STK3: variants seen among roughly 807,000 people sequenced by gnomAD.
STK3 encodes serine/threonine kinase 3.
A neutral mutation model predicts 58.0 loss-of-function variants in STK3; 41 were observed. The observed-to-expected ratio is 0.71, with a 90% confidence interval of 0.55 to 0.92. The LOEUF (loss-of-function observed/expected upper bound fraction) is 0.92, where lower values mean the gene tolerates loss of function less well. STK3 is among the 40% of genes least tolerant of loss of function. The probability of loss-of-function intolerance (pLI) is 0.00; values close to 1 mark genes in which losing one functional copy is unlikely to be tolerated. For missense variants in STK3, 479 were observed against 602.7 expected (o/e 0.79, Z 2.15); for synonymous variants, 170 against 191.0 (o/e 0.89, Z 0.91).
chr8:98,897,616 A>C (rs187472376), intron 1 of STK3, among the ~76,000 whole-genome samples: 118 of 152,238 alleles, frequency 7.8e-4, no homozygotes, highest in Middle Eastern at 3.4e-3. Flanking sequence ...AACAAACAAA[A>C]AAAAAGTCTT....
intron 4 of STK3, among the ~76,000 whole-genome samples, chr8:98,745,622 A>G (rs1171362052): frequency 2.0e-5 from 3 of 152,200 alleles, no homozygotes; most frequent in Non-Finnish European, 4.4e-5. Flanking sequence ...TTTCCCCAAG[A>G]GGCATCTATC....
intron 3 of STK3, among the ~76,000 whole-genome samples, chr8:98,842,363 C>T (rs1484183353): frequency 2.6e-5 from 4 of 152,144 alleles, no homozygotes. Flanking sequence ...GAGACTTGTC[C>T]TAGCAGGTGG....
At chr8:98,739,997 G>A (rs993792754) in intron 4 of STK3, among the ~76,000 whole-genome samples, 17 of 152,170 alleles carry the variant, frequency 1.1e-4, no homozygotes, top group African/African-American at 4.1e-4. Context: ...GGGTATCAGT[G>A]ATGGAAGACG....
chr8:98,760,725 G>A (rs1412781392), intron 3 of STK3, among the ~76,000 whole-genome samples: 3 of 133,552 alleles, frequency 2.2e-5, no homozygotes, highest in Non-Finnish European at 3.3e-5. Context: ...TTTTTTGAGG[G>A]GGTGGGGGGC....
rs199913920 is a variant in STK3 at position 98,455,819 on chromosome 8, T to C, written c.*23A>G. On this transcript the variant is annotated 3_prime_UTR_variant, in exon 11 of 11. Coordinates refer to ENST00000419617, the MANE Select transcript of STK3 (RefSeq NM_006281.4). ...GTGGTTTCTTGGTCTCCAGAATAGT[T>C]AAAAACAGAGAGGAAATTAGACTCA... 2.2e-4 allele frequency: 358 copies of C among 1,612,528 alleles called. 2 individuals are homozygous for C. Among genetic ancestry groups the C allele is most frequent in the Middle Eastern group, 3.3e-4 (2 of 6,078 alleles).
chr8:98,753,845 T>C (rs1830129236), intron 3 of STK3, among the ~76,000 whole-genome samples: 1 of 152,180 alleles, frequency 6.6e-6, no homozygotes, highest in Non-Finnish European at 1.5e-5. Context: ...CCGTTACCTC[T>C]TGCACAGACT....
intron 8 of STK3, among the ~76,000 whole-genome samples, chr8:98,561,470 G>A (rs1424024605): frequency 1.3e-5 from 2 of 152,018 alleles, no homozygotes; most frequent in Non-Finnish European, 2.9e-5. Context: ...GACACCAAAA[G>A]CATGATCCAT....
At chr8:98,463,511 A>T (rs1357769427) in intron 10 of STK3, among the ~76,000 whole-genome samples, 1 of 152,146 alleles carries the variant, frequency 6.6e-6, no homozygotes, top group African/African-American at 2.4e-5. Context: ...CAATTCACTG[A>T]TAATTCTGAC....
At chr8:98,757,688 A>T (rs1360698860) in intron 3 of STK3, among the ~76,000 whole-genome samples, 1 of 151,760 alleles carries the variant, frequency 6.6e-6, no homozygotes, top group Non-Finnish European at 1.5e-5. Context: ...TAACACAGAT[A>T]TGCATTCAAA....
intron 1 of STK3, among the ~76,000 whole-genome samples, chr8:98,796,231 CA>C (rs1410433959): frequency 6.6e-6 from 1 of 152,068 alleles, no homozygotes; most frequent in African/African-American, 2.4e-5. Context: ...TCACATTACC[CA>C]ACTTCAAACT....
chr8:98,542,661 G>A (rs1464708908), intron 9 of STK3, among the ~76,000 whole-genome samples: 1 of 152,122 alleles, frequency 6.6e-6, no homozygotes, highest in Non-Finnish European at 1.5e-5. Context: ...CAATGCCCAG[G>A]GCTTCCCGGA....
rs766207319 is a variant in STK3, at chr8:98,596,285, G to C, written c.685-116C>G. The stretch of plus-strand genomic sequence containing the variant: ...TAAATTTGAAAAACAAATTTAAGCT[G>C]TTCTAGGATTTCTAGTAACACTGAA... On this transcript the variant is annotated intron_variant, in intron 6 of 10. Transcript: ENST00000419617. 181 of 1,241,042 alleles carry C rather than the reference G, an allele frequency of 1.5e-4. 1 individual carries two copies. The highest frequency in any genetic ancestry group is 2.9e-4 in the Middle Eastern group (1 of 3,470). 76.9% of individuals were successfully genotyped at this position (1,241,042 alleles called of 1,614,324 possible). A position where few individuals can be genotyped will look rare whatever the true frequency, so the allele number is the denominator to read the frequency against.
chr8:98,813,210 A>C (rs1224529128), intron 1 of STK3, among the ~76,000 whole-genome samples: 1 of 152,192 alleles, frequency 6.6e-6, no homozygotes, highest in Non-Finnish European at 1.5e-5. Context: ...TTACGAGTAA[A>C]TTCAGACAGA....
chr8:98,688,294 A>G (rs1025644851), intron 6 of STK3, among the ~76,000 whole-genome samples: 1 of 152,228 alleles, frequency 6.6e-6, no homozygotes, highest in African/African-American at 2.4e-5. Flanking sequence ...AGACCTAAGA[A>G]AAGATGTTGA....
chr8:98,857,751 A>G lies in STK3; in HGVS notation c.110+25896T>C, dbSNP rs531452029. ...CAAGTTAAAATTATTTACTAGACCAACTACTGGCTATAAGCAATTAAACTA... is the reference window on the plus strand; with the variant it reads ...CAAGTTAAAATTATTTACTAGACCAGCTACTGGCTATAAGCAATTAAACTA... On this transcript the variant is annotated intron_variant, in intron 3 of 12. Transcript: ENST00000523601. Among the ~76,000 whole-genome samples, 34 of 152,298 alleles carry G rather than the reference A, an allele frequency of 2.2e-4. 1 individual carries two copies. The South Asian group carries it at 6.4e-3, about 29-fold the overall frequency.
At chr8:98,480,529 AG>A (rs1380230691) in intron 10 of STK3, among the ~76,000 whole-genome samples, 1 of 152,212 alleles carries the variant, frequency 6.6e-6, no homozygotes, top group African/African-American at 2.4e-5. Context: ...TCACCTGCCT[AG>A]CTGCCACAGT....
chr8:98,359,283 G>T, the STK3 span, among the ~76,000 whole-genome samples: 1 of 147,918 alleles, frequency 6.8e-6, no homozygotes, highest in Non-Finnish European at 1.5e-5. Flanking sequence ...CGAGGCGGGC[G>T]GATCACCTGA....
chr8:98,605,264 A>G (rs868525679), intron 6 of STK3, among the ~76,000 whole-genome samples: 2 of 152,110 alleles, frequency 1.3e-5, no homozygotes, highest in Admixed American at 6.5e-5. Flanking sequence ...GTATTGGTCT[A>G]TTCTCACATT....
At chr8:98,866,417 T>C (rs1471064631) in intron 3 of STK3, among the ~76,000 whole-genome samples, 1 of 152,222 alleles carries the variant, frequency 6.6e-6, no homozygotes, top group African/African-American at 2.4e-5. Flanking sequence ...GAGACATTAA[T>C]TGACCCATGA....
Sources: gnomAD v4.1 joint callset for allele counts (sites outside exome capture counted in the v4.1 genomes callset) on GRCh38, gnomAD v4.1.1 for gene constraint, MANE v1.5 for transcripts, NCBI Gene and HGNC (gene_info 2026-07-23, HGNC 2026-07-21) for gene names.